Variants in PRPF8 observed in about 807,000 individuals in gnomAD.
PRPF8 encodes the protein pre-mRNA-processing-splicing factor 8.
PRPF8 carries 64 observed loss-of-function variants against 285.9 expected under a neutral mutation model. The observed-to-expected ratio is 0.22, with a 90% confidence interval of 0.18 to 0.28. The LOEUF is 0.28. PRPF8 is among the 10% of genes least tolerant of loss of function. The probability of loss-of-function intolerance (pLI) is 1.00; values close to 1 mark genes in which losing one functional copy is unlikely to be tolerated. For synonymous variants in PRPF8, 1,325 were observed against 1,118.2 expected, an observed-to-expected ratio of 1.18 and a Z score of -3.69; for missense variants, 1,426 against 3,026.7, an observed-to-expected ratio of 0.47 and a Z score of 12.41.
chr17:1,676,800 G>T lies in PRPF8; in HGVS notation c.2182-89C>A. The T allele has an allele frequency of 6.6e-7, 1 of 1,522,858 alleles. No individual in the cohort carries two copies. Among genetic ancestry groups the T allele is most frequent in the Non-Finnish European group, 9.0e-7 (1 of 1,105,424 alleles). 94.3% of individuals were successfully genotyped at this position (1,522,858 alleles called of 1,614,324 possible). A position where few individuals can be genotyped will look rare whatever the true frequency, so the allele number is the denominator to read the frequency against. The stretch of plus-strand genomic sequence containing the variant: ...TCCCGGCTACTCAGGAGGCTAAGGA[G>T]GATCGCTTGAGCTCAGGAGCTTGAG... On this transcript the variant is annotated intron_variant, in intron 15 of 42. Coordinates refer to ENST00000304992, the MANE Select transcript of PRPF8 (RefSeq NM_006445.4). The surrounding 1 kb of genome is among the most constrained non-coding windows in gnomAD (Gnocchi z 6.3).
At chr17:1,680,386 T>C (rs1024656403) in intron 8 of PRPF8, 6 of 396,656 alleles carry the variant, frequency 1.5e-5, no homozygotes, top group South Asian at 2.6e-5. Context: ...CTAAAAACCA[T>C]CAAATTACAC....
chr17:1,680,850 T>A lies in PRPF8; in HGVS notation c.993-19A>T. The A allele has an allele frequency of 1.2e-6, 2 of 1,613,772 alleles. No individual in the cohort carries two copies. Among genetic ancestry groups the A allele is most frequent in the Non-Finnish European group, 1.7e-6 (2 of 1,179,840 alleles). ...ATGGTACCTAAAATGAAAGGAAGAG[T>A]CAGCCAAAGTTTTCCCGCCCTGGCC... On this transcript the variant is annotated intron_variant, in intron 7 of 42. Transcript: ENST00000304992.
chr17:1,683,888 CTT>C (rs112914461), intron 2 of PRPF8, among the ~76,000 whole-genome samples, 187 bp from the exon 3 acceptor site: 8 of 140,462 alleles, frequency 5.7e-5, no homozygotes, highest in Admixed American at 2.1e-4. Context: ...CACTATCTGA[CTT>C]TTTTTTTTTT....
Position 1,673,402 on chromosome 17 carries a change from A to G in PRPF8, c.3612T>C (p.Tyr1204=). The G allele has an allele frequency of 2.5e-6, 4 of 1,614,112 alleles. No individual in the cohort carries two copies. Among genetic ancestry groups the G allele is most frequent in the Non-Finnish European group, 3.4e-6 (4 of 1,180,024 alleles). The part of the protein sequence containing the change: ...CRILPKCRTS[Y]EEFTHKDGVW... The stretch of plus-strand genomic sequence containing the variant: ...CCCCGTCCTTGTGGGTGAACTCCTC[A>G]TAGCTGGTGCGGCACTTAGGCAGGA... Residue 1204 remains tyrosine, a synonymous_variant, in exon 23 of 43, where the codon TAT becomes TAC. Transcript: ENST00000304992. This position sits in a 1 kb window ranked among gnomAD's most constrained non-coding sequence, Gnocchi z 5.5.
intron 24 of PRPF8, among the ~76,000 whole-genome samples, chr17:1,666,792 T>TG (rs1308115962): frequency 9.9e-5 from 15 of 152,068 alleles, no homozygotes; most frequent in African/African-American, 3.6e-4. Context: ...GAGAAAAGAC[T>TG]GCAGGTGAGA....
In PRPF8 at chr17:1,653,461, T is replaced by C; in HGVS notation, c.6369+81A>G. Reference sequence around the variant, plus strand: ...TGAATCTTGAAACCAGCATCTCAAGTTCCAGACAATCTCAGGTCTGAGTTT... The same window carrying C: ...TGAATCTTGAAACCAGCATCTCAAGCTCCAGACAATCTCAGGTCTGAGTTT... On this transcript the variant is annotated intron_variant, in intron 39 of 42. Transcript: ENST00000304992. This position sits in a 1 kb window ranked among gnomAD's most constrained non-coding sequence, Gnocchi z 4.9. The C allele has an allele frequency of 6.4e-7, 1 of 1,572,564 alleles. No individual in the cohort carries two copies. The highest frequency in any genetic ancestry group is 8.7e-7 in the Non-Finnish European group (1 of 1,142,910).
chr17:1,653,440 T>C lies in PRPF8; in HGVS notation c.6369+102A>G. 6.6e-7 allele frequency: 1 copy of C among 1,507,694 alleles called. No individual in the cohort carries two copies. Among genetic ancestry groups the C allele is most frequent in the East Asian group, 2.3e-5 (1 of 44,174 alleles). 93.4% of individuals were successfully genotyped at this position (1,507,694 alleles called of 1,614,324 possible). A position where few individuals can be genotyped will look rare whatever the true frequency, so the allele number is the denominator to read the frequency against. Reference sequence around the variant, plus strand: ...CCTTGTATAATTACTCATCCATGAATCTTGAAACCAGCATCTCAAGTTCCA... The same window carrying C: ...CCTTGTATAATTACTCATCCATGAACCTTGAAACCAGCATCTCAAGTTCCA... On this transcript the variant is annotated intron_variant, in intron 39 of 42. Coordinates refer to ENST00000304992, the MANE Select transcript of PRPF8 (RefSeq NM_006445.4). This position sits in a 1 kb window ranked among gnomAD's most constrained non-coding sequence, Gnocchi z 4.9.
chr17:1,673,669 G>A lies in PRPF8; in HGVS notation c.3446+77C>T. 6.2e-7 allele frequency: 1 copy of A among 1,612,112 alleles called. No individual in the cohort carries two copies. ...ACACAGCCACGCCTCTCCCACCCAG[G>A]ACGCAGCCTCAGGTATGCCCTCTCT... On this transcript the variant is annotated intron_variant, in intron 22 of 42. Coordinates refer to ENST00000304992, the MANE Select transcript of PRPF8 (RefSeq NM_006445.4). The surrounding 1 kb of genome is among the most constrained non-coding windows in gnomAD (Gnocchi z 5.5).
At chr17:1,664,460 T>G (rs1336080559) in intron 24 of PRPF8, among the ~76,000 whole-genome samples, 1 of 152,126 alleles carries the variant, frequency 6.6e-6, no homozygotes, top group Non-Finnish European at 1.5e-5. Context: ...TAACAGATAT[T>G]TTCCAGCACA....
At position 1,677,054 on chromosome 17, in the gene PRPF8, G is replaced by C; in HGVS notation, c.2103C>G (p.Ile701Met). The change falls in exon 15 of 43, where the codon ATC becomes ATG. Residue 701 changes from isoleucine to methionine, a missense_variant. Physicochemically the swap from Ile to Met is conservative, Grantham distance 10. Coordinates refer to ENST00000304992, the MANE Select transcript of PRPF8 (RefSeq NM_006445.4). ...HDILDMMPEG[I>M]KQNKARTILQ... ...GGATTGTCCGGGCCTTGTTCTGCTTGATCCCCTCAGGCATCATGTCCAGAA... is the reference window on the plus strand; with the variant it reads ...GGATTGTCCGGGCCTTGTTCTGCTTCATCCCCTCAGGCATCATGTCCAGAA... The C allele has an allele frequency of 6.2e-7, 1 of 1,613,914 alleles. No individual in the cohort carries two copies. The highest frequency in any genetic ancestry group is 8.5e-7 in the Non-Finnish European group (1 of 1,179,998).
Position 1,679,836 on chromosome 17 carries a change from TG to T in PRPF8, c.1099-38del. On this transcript the variant is annotated intron_variant, in intron 8 of 42. Coordinates refer to ENST00000304992, the MANE Select transcript of PRPF8 (RefSeq NM_006445.4). This position sits in a 1 kb window ranked among gnomAD's most constrained non-coding sequence, Gnocchi z 4.7. ...ATCCCTCTAAGGGTTTAGCTCCTGC[TG>T]AACTAGGCACAGACTTAAGATGAGG... The T allele has an allele frequency of 2.5e-6, 4 of 1,609,248 alleles. 1 individual carries two copies. The highest frequency in any genetic ancestry group is 3.4e-6 in the Non-Finnish European group (4 of 1,175,528).
In PRPF8 at chr17:1,676,780, G is replaced by A. The variant is rs1912622359; in HGVS notation, c.2182-69C>T. ...ACTGTGGCACACATCTGTAGTCCCG[G>A]CTACTCAGGAGGCTAAGGAGGATCG... On this transcript the variant is annotated intron_variant, in intron 15 of 42. Coordinates refer to ENST00000304992, the MANE Select transcript of PRPF8 (RefSeq NM_006445.4). This position sits in a 1 kb window ranked among gnomAD's most constrained non-coding sequence, Gnocchi z 6.3. The A allele has an allele frequency of 1.3e-6, 2 of 1,566,688 alleles. No homozygotes were observed. The highest frequency in any genetic ancestry group is 1.8e-6 in the Non-Finnish European group (2 of 1,142,576).
Position 1,674,475 on chromosome 17 carries a change from C to T in PRPF8, c.3266G>A (p.Cys1089Tyr). 6.2e-7 allele frequency: 1 copy of T among 1,614,146 alleles called. No homozygotes were observed. Among genetic ancestry groups the T allele is most frequent in the South Asian group, 1.1e-5 (1 of 91,082 alleles). Residue 1089 changes from cysteine to tyrosine, a missense_variant, in exon 21 of 43, where the codon TGC becomes TAC. By Grantham distance (194) the Cys-to-Tyr change is radical. Coordinates refer to ENST00000304992, the MANE Select transcript of PRPF8 (RefSeq NM_006445.4). The stretch of plus-strand genomic sequence containing the variant: ...AATATGGATGCGATCAATGTATCTG[C>T]AGAAGAGACGGATGGGGTGGGCAGC... ...TEAAHPIRLF[C>Y]RYIDRIHIFF...
chr17:1,650,883 G>C lies in PRPF8; in HGVS notation c.6927C>G (p.His2309Gln). The change falls in exon 43 of 43, where the codon CAC becomes CAG. Residue 2309 changes from histidine (H) to glutamine (Q), a missense_variant. His to Gln is a conservative substitution (Grantham distance 24). Transcript: ENST00000304992. Reference protein sequence around the residue: ...ANPKEFYHEVHRPSHFLNFAL... With the variant: ...ANPKEFYHEVQRPSHFLNFAL... Reference sequence around the variant, plus strand: ...CAAAGTTGAGGAAGTGAGAGGGCCTGTGCACCTCGTGGTAGAACTCTTTGG... The same window carrying C: ...CAAAGTTGAGGAAGTGAGAGGGCCTCTGCACCTCGTGGTAGAACTCTTTGG... 6.2e-7 allele frequency: 1 copy of C among 1,614,180 alleles called. No homozygotes were observed. The highest frequency in any genetic ancestry group is 8.5e-7 in the Non-Finnish European group (1 of 1,180,030).
At position 1,676,961 on chromosome 17, in the gene PRPF8, TAA is replaced by T. The variant is rs768123831; in HGVS notation, c.2181+13_2181+14del. The stretch of plus-strand genomic sequence containing the variant: ...ACGGATGTTTACGCCTCCAAGGAAA[TAA>T]AGAGACACCCACCTTCCAGGGAATG... On this transcript the variant is annotated intron_variant, in intron 15 of 42. Coordinates refer to ENST00000304992, the MANE Select transcript of PRPF8 (RefSeq NM_006445.4). This position sits in a 1 kb window ranked among gnomAD's most constrained non-coding sequence, Gnocchi z 6.3. 3.1e-6 allele frequency: 5 copies of T among 1,612,796 alleles called. No homozygotes were observed. The African/African-American group carries it at 4.0e-5, about 13-fold the overall frequency.
In PRPF8 at chr17:1,653,896, T is replaced by C. The variant is rs373131838; in HGVS notation, c.6108A>G (p.Gln2036=). ...IAEIEKQTKE[Q]SQLTATQTRT... ...GAGTCTGTGTTGCCGTCAGCTGCGA[T>C]TGTTCCTTGGTCTGCTTCTCGATCT... is the stretch of plus-strand genomic sequence containing the variant. Residue 2036 remains glutamine, a synonymous_variant, in exon 38 of 43, where the codon CAA becomes CAG. Coordinates refer to ENST00000304992, the MANE Select transcript of PRPF8 (RefSeq NM_006445.4). This position sits in a 1 kb window ranked among gnomAD's most constrained non-coding sequence, Gnocchi z 4.9. 57 of 1,614,076 alleles carry C rather than the reference T, an allele frequency of 3.5e-5. No individual in the cohort carries two copies. The East Asian group carries it at 4.7e-4, about 13-fold the overall frequency.
intron 24 of PRPF8, among the ~76,000 whole-genome samples, chr17:1,665,151 C>G (rs923540837): frequency 2.3e-4 from 27 of 119,894 alleles, no homozygotes; most frequent in African/African-American, 1.1e-3. Flanking sequence ...AAATGTGAGA[C>G]TCTGCCTCAA....
chr17:1,667,119 G>A (rs543098681), intron 24 of PRPF8, among the ~76,000 whole-genome samples: 58 of 152,082 alleles, frequency 3.8e-4, no homozygotes, highest in African/African-American at 1.4e-3. Context: ...GTCGCAGTGA[G>A]CTGAAATTGT....
Position 1,653,382 on chromosome 17 carries a change from TG to T in PRPF8, c.6369+159del. ...AGCTGCCACAGCTTTTGCTATCTCA[TG>T]GGGCCAAAACCCACCTCGTTGTTTT... On this transcript the variant is annotated intron_variant, in intron 39 of 42. Transcript: ENST00000304992. The surrounding 1 kb of genome is among the most constrained non-coding windows in gnomAD (Gnocchi z 4.9). 2.1e-6 allele frequency: 2 copies of T among 944,272 alleles called. No individual in the cohort carries two copies. The highest frequency in any genetic ancestry group is 2.8e-5 in the South Asian group (2 of 70,874). The allele number at this position is 944,272 out of a possible 1,614,324, so 58.5% of individuals were successfully genotyped here. A position where few individuals can be genotyped will look rare whatever the true frequency, so the allele number is the denominator to read the frequency against.
Sources: gnomAD v4.1 joint callset for allele counts (sites outside exome capture counted in the v4.1 genomes callset) on GRCh38, gnomAD v4.1.1 for gene constraint, Gnocchi (gnomAD v3.1) non-coding constraint, MANE v1.5 for transcripts, NCBI Gene and HGNC (gene_info 2026-07-23, HGNC 2026-07-21) for gene names.